Variants in WNT8B observed in about 807,000 individuals in gnomAD.
The protein encoded by WNT8B is protein Wnt-8b.
A neutral mutation model predicts 36.6 loss-of-function variants in WNT8B; 24 were observed. That is an observed-to-expected ratio of 0.66 (90% confidence interval 0.48 to 0.92). The LOEUF is 0.92. Ranked by LOEUF, WNT8B falls within the 40% of genes least tolerant of loss-of-function variation. WNT8B has a pLI of 0.00. For synonymous variants in WNT8B, 199 were observed against 189.8 expected (o/e 1.05, Z -0.40); for missense variants, 402 against 470.8 (o/e 0.85, Z 1.35).
chr10:100,467,137 C>T (rs1180675397), intron 1 of WNT8B, among the ~76,000 whole-genome samples: 1 of 152,102 alleles, frequency 6.6e-6, no homozygotes, highest in African/African-American at 2.4e-5. Context: ...TGGACAGATG[C>T]TTCAGTCTCA....
At chr10:100,465,671 C>G (rs1850900602) in intron 1 of WNT8B, among the ~76,000 whole-genome samples, 1 of 152,154 alleles carries the variant, frequency 6.6e-6, no homozygotes, top group Non-Finnish European at 1.5e-5. Context: ...TACTTCTTTC[C>G]AAAGGTCTGC....
At chr10:100,472,230 C>T (rs1850986833) in intron 1 of WNT8B, among the ~76,000 whole-genome samples, 1 of 151,736 alleles carries the variant, frequency 6.6e-6, no homozygotes, top group Non-Finnish European at 1.5e-5. Context: ...CCTGCCTCAG[C>T]CTCCCAAGTA....
rs1163141233 is a variant in WNT8B, at chr10:100,482,711, C to T, written c.951C>T (p.Cys317=). The T allele has an allele frequency of 6.2e-7, 1 of 1,609,464 alleles. No individual in the cohort carries two copies. Among genetic ancestry groups the T allele is most frequent in the Non-Finnish European group, 8.5e-7 (1 of 1,178,590 alleles). The change falls in exon 6 of 6, where the codon TGC becomes TGT. Residue 317 remains cysteine, a synonymous_variant. Transcript: ENST00000343737. The surrounding 1 kb of genome is among the most constrained non-coding windows in gnomAD (Gnocchi z 6.6). ...SSCNCKFHWC[C]AVRCEQCRRR... is the part of the protein sequence containing the mutation. ...GCAACTGCAAGTTCCACTGGTGCTG[C>T]GCAGTCCGCTGCGAGCAGTGCCGCC...
chr10:100,464,154 C>A (rs765603077), intron 1 of WNT8B, among the ~76,000 whole-genome samples: 7 of 152,146 alleles, frequency 4.6e-5, no homozygotes, highest in Non-Finnish European at 1.0e-4. Flanking sequence ...AAAGAAATTT[C>A]TTTGCTGAGA....
At chr10:100,471,227 A>G (rs1379445253) in intron 1 of WNT8B, among the ~76,000 whole-genome samples, 4 of 152,236 alleles carry the variant, frequency 2.6e-5, no homozygotes, top group Non-Finnish European at 5.9e-5. Flanking sequence ...CACAGTGACA[A>G]AATCACCTAA....
rs772387747 is a variant in WNT8B at position 100,479,038 on chromosome 10, T to G, written c.69-14T>G. 8.2e-6 allele frequency: 13 copies of G among 1,589,406 alleles called. No individual in the cohort carries two copies. In the East Asian group the frequency reaches 2.5e-4, roughly 30 times the overall value. On this transcript the variant is annotated splice_polypyrimidine_tract_variant and intron_variant, in intron 1 of 5. Transcript: ENST00000343737. ...TGCATTATATTCTGTTTTTGTTTTT[T>G]TTTTCCCTTATAGGTCGGTGAACAA...
Position 100,481,054 on chromosome 10 carries a change from C to G in WNT8B, c.298C>G (p.Leu100Val), listed in dbSNP as rs750721876. 6.2e-7 allele frequency: 1 copy of G among 1,614,084 alleles called. No homozygotes were observed. Among genetic ancestry groups the G allele is most frequent in the Non-Finnish European group, 8.5e-7 (1 of 1,180,018 alleles). The change falls in exon 4 of 6, where the codon CTG (leucine) becomes GTG (valine). Residue 100 changes from leucine (L) to valine (V), a missense_variant. Leu to Val is a conservative substitution (Grantham distance 32). Around this residue, in one of 3 missense-constraint regions of WNT8B, gnomAD observed 131 missense variants for 152.6 expected, o/e 0.86. Coordinates refer to ENST00000343737, the MANE Select transcript of WNT8B (RefSeq NM_003393.4). ...CAGTTCTGCTGGAGTCATGTACACCCTGACTAGAAACTGCAGCCTTGGAGA... is the reference window on the plus strand; with the variant it reads ...CAGTTCTGCTGGAGTCATGTACACCGTGACTAGAAACTGCAGCCTTGGAGA... ...AISSAGVMYT[L>V]TRNCSLGDFD...
Position 100,479,916 on chromosome 10 carries a change from A to G in WNT8B, c.145A>G (p.Ser49Gly), listed in dbSNP as rs1340319842. Residue 49 changes from serine (S) to glycine (G), a missense_variant, in exon 3 of 6, where the codon AGT becomes GGT. Around this residue, in one of 3 missense-constraint regions of WNT8B, gnomAD observed 131 missense variants for 152.6 expected, o/e 0.86. Coordinates refer to ENST00000343737, the MANE Select transcript of WNT8B (RefSeq NM_003393.4). ...CAGCAGTGTGGCAGCTGGTGCCCAG[A>G]GTGGTATTGAAGAATGCAAGTATCA... ...YSSSVAAGAQ[S>G]GIEECKYQFA... The G allele has an allele frequency of 6.2e-7, 1 of 1,613,968 alleles. No individual in the cohort carries two copies. The highest frequency in any genetic ancestry group is 1.1e-5 in the South Asian group (1 of 91,070).
At position 100,483,105 on chromosome 10, in the gene WNT8B, T is replaced by A. The variant is rs898477649; in HGVS notation, c.*289T>A. The A allele has an allele frequency of 2.6e-6, 1 of 378,192 alleles. No individual in the cohort carries two copies. The highest frequency in any genetic ancestry group is 2.1e-5 in the African/African-American group (1 of 47,562). 23.4% of individuals were successfully genotyped at this position (378,192 alleles called of 1,614,324 possible). A position where few individuals can be genotyped will look rare whatever the true frequency, so the allele number is the denominator to read the frequency against. On this transcript the variant is annotated 3_prime_UTR_variant, in exon 6 of 6. Transcript: ENST00000343737. Reference sequence around the variant, plus strand: ...GAGAACAGGTGTTCCTCCTCCCCTCTCCTAGCAGCCCTAATGTCTGACCTA... The same window carrying A: ...GAGAACAGGTGTTCCTCCTCCCCTCACCTAGCAGCCCTAATGTCTGACCTA...
At chr10:100,474,353 T>A (rs890564435) in intron 1 of WNT8B, among the ~76,000 whole-genome samples, 1 of 152,226 alleles carries the variant, frequency 6.6e-6, no homozygotes, top group African/African-American at 2.4e-5. Context: ...ACATCTTCAG[T>A]GTTTGTTAGC....
chr10:100,476,785 G>A (rs1244399610), intron 1 of WNT8B, among the ~76,000 whole-genome samples: 2 of 152,176 alleles, frequency 1.3e-5, no homozygotes, highest in African/African-American at 4.8e-5. Context: ...GGAGTTGCAA[G>A]ACATGTACAG....
Position 100,482,495 on chromosome 10 carries a change from G to A in WNT8B, c.735G>A (p.Glu245=). The A allele has an allele frequency of 6.2e-7, 1 of 1,602,190 alleles. No individual in the cohort carries two copies. The highest frequency in any genetic ancestry group is 8.5e-7 in the Non-Finnish European group (1 of 1,179,746). ...ADTFRSISTR[E]LVHLEDSPDY... is the part of the protein sequence containing the mutation. ...CCTTTCGCTCCATCTCTACCCGGGAGCTGGTGCACCTGGAGGACTCCCCGG... is the reference window on the plus strand; with the variant it reads ...CCTTTCGCTCCATCTCTACCCGGGAACTGGTGCACCTGGAGGACTCCCCGG... The change falls in exon 6 of 6, where the codon GAG becomes GAA. Residue 245 remains glutamate (E), a synonymous_variant. Transcript: ENST00000343737. The surrounding 1 kb of genome is among the most constrained non-coding windows in gnomAD (Gnocchi z 6.6).
chr10:100,482,577 C>T lies in WNT8B; in HGVS notation c.817C>T (p.Leu273=). Residue 273 remains leucine (L), a synonymous_variant, in exon 6 of 6, where the codon CTA becomes TTA. Coordinates refer to ENST00000343737, the MANE Select transcript of WNT8B (RefSeq NM_003393.4). This position sits in a 1 kb window ranked among gnomAD's most constrained non-coding sequence, Gnocchi z 6.6. ...GLLGTEGREC[L]RRGRALGRWE... ...GCTGGGCACCGAAGGCCGAGAGTGC[C>T]TAAGGCGCGGGCGGGCCCTGGGTCG... The T allele has an allele frequency of 1.3e-6, 2 of 1,598,246 alleles. No individual in the cohort carries two copies. The highest frequency in any genetic ancestry group is 1.7e-6 in the Non-Finnish European group (2 of 1,178,076).
In WNT8B at chr10:100,482,325, T is replaced by C; in HGVS notation, c.565T>C (p.Cys189Arg). Residue 189 changes from cysteine to arginine, a missense_variant, in exon 6 of 6, where the codon TGC (cysteine) becomes CGC (arginine). By Grantham distance (180) the Cys-to-Arg change is radical. This residue lies in a region of WNT8B where 256 missense variants were observed against 278.6 expected (regional missense o/e 0.92). Coordinates refer to ENST00000343737, the MANE Select transcript of WNT8B (RefSeq NM_003393.4). The surrounding 1 kb of genome is among the most constrained non-coding windows in gnomAD (Gnocchi z 6.6). ...TCKCHGVSGSCTTQTCWLQLP... is the reference protein window; with the variant it reads ...TCKCHGVSGSRTTQTCWLQLP... ...CAAGTGCCACGGCGTGTCTGGCAGC[T>C]GCACCACGCAGACCTGTTGGCTGCA... The C allele has an allele frequency of 6.2e-7, 1 of 1,601,322 alleles. No homozygotes were observed.
At chr10:100,470,125 C>A (rs1446706327) in intron 1 of WNT8B, among the ~76,000 whole-genome samples, 1 of 152,168 alleles carries the variant, frequency 6.6e-6, no homozygotes, top group Non-Finnish European at 1.5e-5. Flanking sequence ...CAAACTGAGC[C>A]TCATGACTCA....
rs1272981553 is a variant in WNT8B at position 100,481,910 on chromosome 10, A to G, written c.368-2A>G. 6.2e-7 allele frequency: 1 copy of G among 1,613,358 alleles called. No individual in the cohort carries two copies. Among genetic ancestry groups the G allele is most frequent in the South Asian group, 1.1e-5 (1 of 91,066 alleles). ...ACCTGTCCTCCCTCTGCACTTTTCC[A>G]GGGGGACAAGGCTGGCTGTGGGGAG... On this transcript the variant is annotated splice_acceptor_variant, in intron 4 of 5. Coordinates refer to ENST00000343737, the MANE Select transcript of WNT8B (RefSeq NM_003393.4). LOFTEE classifies it high-confidence loss of function.
At position 100,482,595 on chromosome 10, in the gene WNT8B, C is replaced by T; in HGVS notation, c.835C>T (p.Leu279=). The T allele has an allele frequency of 1.3e-6, 2 of 1,597,814 alleles. No individual in the cohort carries two copies. Among genetic ancestry groups the T allele is most frequent in the Non-Finnish European group, 1.7e-6 (2 of 1,177,164 alleles). ...AGAGTGCCTAAGGCGCGGGCGGGCC[C>T]TGGGTCGCTGGGAACGCCGCAGCTG... ...GRECLRRGRA[L]GRWERRSCRR... Residue 279 remains leucine (L), a synonymous_variant, in exon 6 of 6, where the codon CTG becomes TTG. Coordinates refer to ENST00000343737, the MANE Select transcript of WNT8B (RefSeq NM_003393.4). This position sits in a 1 kb window ranked among gnomAD's most constrained non-coding sequence, Gnocchi z 6.6.
intron 1 of WNT8B, among the ~76,000 whole-genome samples, chr10:100,471,515 T>C (rs751247262): frequency 2.0e-5 from 3 of 152,246 alleles, no homozygotes; most frequent in Non-Finnish European, 2.9e-5. Context: ...AATGTGATAA[T>C]TAACTGAGTG....
rs192499360 is a variant in WNT8B at position 100,463,023 on chromosome 10, C to G, written c.-146C>G. On this transcript the variant is annotated 5_prime_UTR_variant, in exon 1 of 6. Coordinates refer to ENST00000343737, the MANE Select transcript of WNT8B (RefSeq NM_003393.4). ...GTTTGGCAGCTCCATTTCACCTCCC[C>G]TTAACTCTGTTTGGGATCGCTTACA... is the stretch of plus-strand genomic sequence containing the variant. 5.9e-6 allele frequency: 4 copies of G among 674,550 alleles called. No individual in the cohort carries two copies. Among genetic ancestry groups the G allele is most frequent in the African/African-American group, 5.5e-5 (3 of 54,428 alleles). 41.8% of individuals were successfully genotyped at this position (674,550 alleles called of 1,614,324 possible).
Sources: gnomAD v4.1 joint callset for allele counts (sites outside exome capture counted in the v4.1 genomes callset) on GRCh38, gnomAD v4.1.1 for gene constraint, gnomAD v4.1.1 regional missense constraint, Gnocchi (gnomAD v3.1) non-coding constraint, MANE v1.5 for transcripts, NCBI Gene and HGNC (gene_info 2026-07-23, HGNC 2026-07-21) for gene names.